SMYD3: variants seen among roughly 807,000 people sequenced by gnomAD.
SMYD3 encodes the protein histone-lysine N-methyltransferase SMYD3.
A neutral mutation model predicts 57.7 loss-of-function variants in SMYD3; 36 were observed. That is an observed-to-expected ratio of 0.62 (90% CI 0.48 to 0.82). The LOEUF is 0.82. Ranked by LOEUF, SMYD3 falls within the 40% of genes least tolerant of loss-of-function variation. The pLI, the probability that SMYD3 is intolerant of heterozygous loss-of-function variation, is 0.00. For synonymous variants in SMYD3, 211 were observed against 195.0 expected (o/e 1.08, Z -0.68); for missense variants, 515 against 538.8 (o/e 0.96, Z 0.44).
intron 5 of SMYD3, among the ~76,000 whole-genome samples, chr1:246,132,795 A>G (rs1558256565): frequency 6.6e-6 from 1 of 152,254 alleles, no homozygotes; most frequent in East Asian, 1.9e-4. Flanking sequence ...CAAAAAAGGA[A>G]AAACCCAATT....
intron 5 of SMYD3, among the ~76,000 whole-genome samples, chr1:245,998,566 G>A (rs996540926): frequency 6.6e-6 from 1 of 152,172 alleles, no homozygotes; most frequent in East Asian, 1.9e-4. Flanking sequence ...CATTGCTGGT[G>A]GGGATGCAAA....
At chr1:246,193,285 G>T (rs1476568951) in intron 5 of SMYD3, among the ~76,000 whole-genome samples, 1 of 152,042 alleles carries the variant, frequency 6.6e-6, no homozygotes, top group Non-Finnish European at 1.5e-5. Context: ...GAGATTGGAA[G>T]AATAAATTAA....
chr1:246,304,318 T>C (rs1148717), intron 5 of SMYD3, among the ~76,000 whole-genome samples: 77,132 of 151,970 alleles, frequency 0.51, 20,137 homozygotes, highest in East Asian at 0.82. Flanking sequence ...GAACTTGAAG[T>C]CATTCCCATG....
intron 5 of SMYD3, among the ~76,000 whole-genome samples, chr1:246,153,990 C>G (rs1439579175): frequency 6.6e-6 from 1 of 152,192 alleles, no homozygotes; most frequent in Non-Finnish European, 1.5e-5. Context: ...CTCTTAAATG[C>G]AAAGTGCAGA....
chr1:245,846,071 T>C (rs1175722717), intron 10 of SMYD3, among the ~76,000 whole-genome samples: 1 of 152,122 alleles, frequency 6.6e-6, no homozygotes, highest in African/African-American at 2.4e-5. Context: ...TCTTTTGTTA[T>C]ACAGATAGCA....
intron 5 of SMYD3, among the ~76,000 whole-genome samples, chr1:246,251,444 CCT>C (rs1284162680): frequency 2.7e-5 from 4 of 150,852 alleles, no homozygotes; most frequent in African/African-American, 9.8e-5. Context: ...TTAGTAGGTG[CCT>C]CGGACACTGT....
At chr1:246,063,274 T>A (rs2060284788) in intron 5 of SMYD3, among the ~76,000 whole-genome samples, 1 of 152,150 alleles carries the variant, frequency 6.6e-6, no homozygotes, top group African/African-American at 2.4e-5. Flanking sequence ...AAAGCTGTGA[T>A]AACGTGAGAA....
At chr1:246,024,958 C>G (rs76546727) in intron 5 of SMYD3, among the ~76,000 whole-genome samples, 5,747 of 36,768 alleles carry the variant, frequency 0.16, 85 homozygotes, top group East Asian at 0.3. Flanking sequence ...AGAGATACAG[C>G]AAGTGGACAG....
rs534305833 is a variant in SMYD3 at position 245,761,786 on chromosome 1, C to CTTTTTTTTTTTTTTTTTTTTTTTTTTTTT, written c.1185+2254_1185+2255insAAAAAAAAAAAAAAAAAAAAAAAAAAAAA. On this transcript the variant is annotated intron_variant, in intron 11 of 11. Coordinates refer to ENST00000490107, the MANE Select transcript of SMYD3 (RefSeq NM_001167740.2). Reference sequence around the variant, plus strand: ...TTAAATTGTACACACCATATTGAGTCTTTTTTTTTTTTTTTTTTTGAGACA... The same window carrying CTTTTTTTTTTTTTTTTTTTTTTTTTTTTT: ...TTAAATTGTACACACCATATTGAGTCTTTTTTTTTTTTTTTTTTTTTTTTTTTTTTTTTTTTTTTTTTTTTTTTGAGACA... Among the ~76,000 whole-genome samples, 2 of 115,720 alleles carry CTTTTTTTTTTTTTTTTTTTTTTTTTTTTT rather than the reference C, an allele frequency of 1.7e-5. 1 individual carries two copies. The highest frequency in any genetic ancestry group is 7.4e-5 in the African/African-American group (2 of 26,864). 75.9% of individuals were successfully genotyped at this position (115,720 alleles called of 152,430 possible).
At chr1:246,475,194 T>C (rs2068012603) in intron 1 of SMYD3, among the ~76,000 whole-genome samples, 1 of 151,572 alleles carries the variant, frequency 6.6e-6, no homozygotes, top group Admixed American at 6.6e-5. Flanking sequence ...TAGCCAGGCA[T>C]GGTGGCAGGC....
chr1:246,275,704 C>T (rs1358450273), intron 5 of SMYD3, among the ~76,000 whole-genome samples: 1 of 151,166 alleles, frequency 6.6e-6, no homozygotes, highest in African/African-American at 2.4e-5. Flanking sequence ...TTTTTACTAG[C>T]TGTATTAACA....
At chr1:246,180,878 C>T (rs1054704916) in intron 5 of SMYD3, among the ~76,000 whole-genome samples, 1 of 149,566 alleles carries the variant, frequency 6.7e-6, no homozygotes, top group African/African-American at 2.5e-5. Flanking sequence ...AAACACTCCC[C>T]AGAACTGACA....
intron 5 of SMYD3, among the ~76,000 whole-genome samples, chr1:245,962,241 T>C (rs2058029216): frequency 6.6e-6 from 1 of 152,206 alleles, no homozygotes; most frequent in Admixed American, 6.5e-5. Flanking sequence ...CACTCCTTGC[T>C]CTGTTTTTCC....
At chr1:246,244,569 T>C (rs930001125) in intron 5 of SMYD3, among the ~76,000 whole-genome samples, 2 of 152,214 alleles carry the variant, frequency 1.3e-5, no homozygotes, top group African/African-American at 4.8e-5. Context: ...CCATCCATGA[T>C]ATGTACCACA....
At chr1:246,026,094 A>T (rs2059568505) in intron 5 of SMYD3, 2 of 152,210 alleles carry the variant, frequency 1.3e-5, no homozygotes, top group African/African-American at 4.8e-5. Flanking sequence ...GTGAGCCAAG[A>T]TCGTGCCACT....
intron 5 of SMYD3, among the ~76,000 whole-genome samples, chr1:246,244,550 G>T (rs1327119898): frequency 2.0e-5 from 3 of 152,150 alleles, no homozygotes; most frequent in Admixed American, 2.0e-4. Context: ...TGGCAAAATA[G>T]CTTTGAAACC....
intron 10 of SMYD3, among the ~76,000 whole-genome samples, chr1:245,814,890 G>GCACA: frequency 6.7e-6 from 1 of 150,180 alleles, no homozygotes; most frequent in South Asian, 2.1e-4. Context: ...ACACACGCAT[G>GCACA]CACACACACA....
chr1:245,831,853 CGT>C (rs1047749794), intron 10 of SMYD3, among the ~76,000 whole-genome samples: 1 of 152,158 alleles, frequency 6.6e-6, no homozygotes, highest in African/African-American at 2.4e-5. Context: ...TGTGCATGCA[CGT>C]GTGTGAGGGA....
At chr1:246,319,326 AC>A (rs2065211003) in intron 5 of SMYD3, among the ~76,000 whole-genome samples, 1 of 152,132 alleles carries the variant, frequency 6.6e-6, no homozygotes, top group South Asian at 2.1e-4. Context: ...TCACCACCAC[AC>A]GTAAACACAC....
Sources: allele counts gnomAD v4.1 joint callset (sites outside exome capture counted in the v4.1 genomes callset), GRCh38; gene constraint gnomAD v4.1.1; transcripts MANE v1.5; gene names NCBI Gene and HGNC (gene_info 2026-07-23, HGNC 2026-07-21).